CYTH1: variants seen among roughly 807,000 people sequenced by gnomAD.
CYTH1 encodes cytohesin 1.
A neutral mutation model predicts 61.8 loss-of-function variants in CYTH1; 18 were observed. The observed-to-expected ratio is 0.29, with a 90% CI of 0.20 to 0.43. The LOEUF is 0.43. Among genes scored for constraint, CYTH1 ranks in the 20% least tolerant of loss-of-function variants. The pLI is 1.00. For missense variants in CYTH1, 336 were observed against 510.5 expected (o/e 0.66, Z 3.29); for synonymous variants, 174 against 184.3 (o/e 0.94, Z 0.45).
At chr17:78,689,514 G>T (rs990509432) in intron 11 of CYTH1, among the ~76,000 whole-genome samples, 1 of 152,176 alleles carries the variant, frequency 6.6e-6, no homozygotes, top group Non-Finnish European at 1.5e-5. Flanking sequence ...AGCTCAGGAG[G>T]TGATGTGAGT....
chr17:78,689,597 G>A (rs925796589), intron 11 of CYTH1, among the ~76,000 whole-genome samples: 1 of 152,156 alleles, frequency 6.6e-6, no homozygotes, highest in African/African-American at 2.4e-5. Flanking sequence ...CCGCTGTGTG[G>A]CCTGGCTCGT....
intron 1 of CYTH1, among the ~76,000 whole-genome samples, chr17:78,715,855 A>C (rs1442356973): frequency 6.6e-6 from 1 of 152,136 alleles, no homozygotes; most frequent in East Asian, 1.9e-4. Flanking sequence ...TGAAAGACCA[A>C]CCCAGGCTGG....
chr17:78,693,016 T>C (rs1201753619), intron 10 of CYTH1, among the ~76,000 whole-genome samples: 2 of 152,146 alleles, frequency 1.3e-5, no homozygotes, highest in African/African-American at 4.8e-5. Flanking sequence ...TAAATCCCCA[T>C]GGTTCTACTC....
At chr17:78,762,610 A>G (rs1360191612) in intron 1 of CYTH1, among the ~76,000 whole-genome samples, 1 of 152,208 alleles carries the variant, frequency 6.6e-6, no homozygotes, top group Non-Finnish European at 1.5e-5. Context: ...AAGATTGCAG[A>G]TGGAATTACA....
chr17:78,692,312 C>A (rs920361150), intron 11 of CYTH1, 105 bp downstream of exon 11: 6 of 1,184,028 alleles, frequency 5.1e-6, no homozygotes, highest in Non-Finnish European at 7.5e-6. Flanking sequence ...CCCACAGATA[C>A]TGAAGGGCAA....
chr17:78,757,825 T>C (rs1318787888), intron 1 of CYTH1, among the ~76,000 whole-genome samples: 2 of 151,710 alleles, frequency 1.3e-5, no homozygotes, highest in African/African-American at 2.4e-5. Context: ...GGCAGGGGAA[T>C]TGCTTGAACC....
intron 11 of CYTH1, among the ~76,000 whole-genome samples, chr17:78,684,490 G>A (rs989888425): frequency 3.3e-5 from 5 of 152,236 alleles, no homozygotes; most frequent in Non-Finnish European, 5.9e-5. Flanking sequence ...CCTGTGAAGA[G>A]GGAAATAACC....
intron 1 of CYTH1, among the ~76,000 whole-genome samples, chr17:78,712,917 T>C (rs1037403419): frequency 3.9e-4 from 59 of 151,622 alleles, no homozygotes; most frequent in Middle Eastern, 3.2e-3. Context: ...GGACGGAGCC[T>C]TAAATAAGTT....
At chr17:78,780,724 G>T (rs1051237728) in intron 1 of CYTH1, among the ~76,000 whole-genome samples, 3 of 151,538 alleles carry the variant, frequency 2.0e-5, no homozygotes, top group Admixed American at 2.0e-4. Flanking sequence ...TAAAAAATTA[G>T]GGCTGGGCGC....
chr17:78,764,656 G>T (rs2093441332), intron 1 of CYTH1, among the ~76,000 whole-genome samples: 1 of 152,066 alleles, frequency 6.6e-6, no homozygotes, highest in Non-Finnish European at 1.5e-5. Flanking sequence ...AGGTAAGAGG[G>T]ATCTATTTTA....
chr17:78,688,948 C>T (rs1359035605), intron 11 of CYTH1, among the ~76,000 whole-genome samples: 4 of 152,178 alleles, frequency 2.6e-5, no homozygotes, highest in Admixed American at 2.6e-4. Flanking sequence ...GCTGTCTCAT[C>T]AATGGGTCTC....
chr17:78,676,072 A>G lies in CYTH1; in HGVS notation c.*19T>C. 2 of 1,599,024 alleles carry G rather than the reference A, an allele frequency of 1.3e-6. No individual in the cohort carries two copies. On this transcript the variant is annotated 3_prime_UTR_variant, in exon 14 of 14. Transcript: ENST00000446868. Reference sequence around the variant, plus strand: ...AGGAGCTCCAAGGCCCCCGCAGACCAACGCCCTTGGCTGCACGCTCAGTGT... The same window carrying G: ...AGGAGCTCCAAGGCCCCCGCAGACCGACGCCCTTGGCTGCACGCTCAGTGT...
At chr17:78,688,104 C>A in intron 11 of CYTH1, among the ~76,000 whole-genome samples, 1 of 152,212 alleles carries the variant, frequency 6.6e-6, no homozygotes, top group East Asian at 1.9e-4. Flanking sequence ...GCCAGCACTT[C>A]TCTATGGATG....
At chr17:78,753,689 A>C (rs2093389607) in intron 1 of CYTH1, among the ~76,000 whole-genome samples, 1 of 152,188 alleles carries the variant, frequency 6.6e-6, no homozygotes, top group Admixed American at 6.5e-5. Flanking sequence ...AAATGGACTA[A>C]ATAGGTGATT....
intron 13 of CYTH1, chr17:78,676,376 C>T (rs987792864): frequency 3.4e-5 from 19 of 566,550 alleles, no homozygotes; most frequent in African/African-American, 5.6e-5. Context: ...CACAGGAACA[C>T]GTGACAAGAA....
chr17:78,745,054 G>C (rs1232242281), intron 1 of CYTH1, among the ~76,000 whole-genome samples: 2 of 152,100 alleles, frequency 1.3e-5, no homozygotes, highest in Non-Finnish European at 2.9e-5. Context: ...AAACTGTGTG[G>C]TTTTGAGTAT....
Position 78,782,237 on chromosome 17 carries a change from G to A in CYTH1, c.-14C>T. 1 of 1,310,190 alleles carries A rather than the reference G, an allele frequency of 7.6e-7. No individual in the cohort carries two copies. The allele number at this position is 1,310,190 out of a possible 1,614,324, so 81.2% of individuals were successfully genotyped here. On this transcript the variant is annotated 5_prime_UTR_variant, in exon 1 of 14. Coordinates refer to ENST00000446868, the MANE Select transcript of CYTH1 (RefSeq NM_004762.6). ...GTCCTCCTCCATGGTGCGGGAGCCG[G>A]GCTCCGCGCTCCGGCTCGCCGCTCG... is the stretch of plus-strand genomic sequence containing the variant.
intron 13 of CYTH1, chr17:78,677,919 A>G (rs2092718196): frequency 6.6e-6 from 1 of 152,320 alleles, no homozygotes; most frequent in Non-Finnish European, 1.5e-5. Context: ...TTTGAGGACC[A>G]GCTCCACCTC....
At position 78,676,074 on chromosome 17, in the gene CYTH1, C is replaced by T. The variant is rs762448933; in HGVS notation, c.*17G>A. On this transcript the variant is annotated 3_prime_UTR_variant, in exon 14 of 14. Coordinates refer to ENST00000446868, the MANE Select transcript of CYTH1 (RefSeq NM_004762.6). ...GAGCTCCAAGGCCCCCGCAGACCAA[C>T]GCCCTTGGCTGCACGCTCAGTGTCG... is the stretch of plus-strand genomic sequence containing the variant. 8.2e-5 allele frequency: 131 copies of T among 1,599,668 alleles called. No homozygotes were observed. Among genetic ancestry groups the T allele is most frequent in the Admixed American group, 4.0e-4 (23 of 57,478 alleles).
Sources: gnomAD v4.1 joint callset for allele counts (sites outside exome capture counted in the v4.1 genomes callset) on GRCh38, gnomAD v4.1.1 for gene constraint, MANE v1.5 for transcripts, NCBI Gene and HGNC (gene_info 2026-07-23, HGNC 2026-07-21) for gene names.